Variants in TCERG1 observed in about 807,000 individuals in gnomAD.
TCERG1 encodes the protein TATA box binding protein (TBP)-associated factor, RNA polymerase II, S, 150kD.
A neutral mutation model predicts 144.7 loss-of-function variants in TCERG1; 37 were observed. The ratio of observed to expected loss-of-function variants is 0.26; its 90% confidence interval spans 0.20 to 0.34. The LOEUF is 0.34. TCERG1 is among the 10% of genes least tolerant of loss of function. The probability of loss-of-function intolerance (pLI) is 1.00; values close to 1 mark genes in which losing one functional copy is unlikely to be tolerated. For synonymous variants in TCERG1, 492 were observed against 458.2 expected (o/e 1.07, Z -0.94); for missense variants, 1,027 against 1,380.7 (o/e 0.74, Z 4.06).
intron 1 of TCERG1, among the ~76,000 whole-genome samples, chr5:146,450,118 A>T (rs949026895): frequency 2.0e-5 from 3 of 152,272 alleles, no homozygotes; most frequent in Non-Finnish European, 4.4e-5. Flanking sequence ...GCAACAGTAT[A>T]CTAAAGGGAA....
At chr5:146,478,425 T>G (rs914993054) in intron 9 of TCERG1, 68 bp from the exon 10 acceptor site, 2 of 1,449,492 alleles carry the variant, frequency 1.4e-6, no homozygotes, top group Admixed American at 5.1e-5. Flanking sequence ...TGTAACAGGC[T>G]GAAAGAAGTC....
chr5:146,473,385 A>G (rs373177363), intron 9 of TCERG1, among the ~76,000 whole-genome samples: 3 of 152,360 alleles, frequency 2.0e-5, no homozygotes, highest in East Asian at 3.9e-4. Context: ...GTAAGAAGCC[A>G]TCTCCATAAC....
chr5:146,459,784 AT>A (rs1763179584), intron 4 of TCERG1, among the ~76,000 whole-genome samples: 1 of 152,244 alleles, frequency 6.6e-6, no homozygotes, highest in African/African-American at 2.4e-5. Context: ...CTACATGGGT[AT>A]TTATCATGAA....
In TCERG1 at chr5:146,478,574, T is replaced by C. The variant is rs1381413542; in HGVS notation, c.1683T>C (p.Asp561=). The C allele has an allele frequency of 6.2e-7, 1 of 1,612,692 alleles. No homozygotes were observed. Among genetic ancestry groups the C allele is most frequent in the Admixed American group, 1.7e-5 (1 of 59,610 alleles). ...TRLSMWDRPD[D]LIGRADVDKI... ...TTTCTATGTGGGACCGACCTGATGA[T>C]CTGATTGGCAGGGCAGATGTTGACA... Residue 561 remains aspartate, a synonymous_variant, in exon 10 of 23, where the codon GAT becomes GAC. Transcript: ENST00000679501.
Position 146,498,653 on chromosome 5 carries a change from A to G in TCERG1, c.2400A>G (p.Lys800=). The G allele has an allele frequency of 6.2e-7, 1 of 1,612,124 alleles. No homozygotes were observed. ...AGTTTGTGGCCGCTGCTAGGAAGAA[A>G]GAGAAAGAAGATTCGAAGACCAGAG... ...FNEFVAAARK[K]EKEDSKTRGE... is the part of the protein sequence containing the mutation. The change falls in exon 17 of 23, where the codon AAA becomes AAG. Residue 800 remains lysine, a synonymous_variant. Transcript: ENST00000679501.
chr5:146,505,774 T>C (rs1767929100), intron 19 of TCERG1, among the ~76,000 whole-genome samples: 1 of 152,138 alleles, frequency 6.6e-6, no homozygotes, highest in South Asian at 2.1e-4. Context: ...ATCCTTTTTG[T>C]TTTTTTATTT....
chr5:146,488,529 G>A (rs953854152), intron 15 of TCERG1, among the ~76,000 whole-genome samples: 1 of 152,076 alleles, frequency 6.6e-6, no homozygotes, highest in South Asian at 2.1e-4. Context: ...GCAGTGAGGT[G>A]TCTCACTCAG....
At position 146,509,147 on chromosome 5, in the gene TCERG1, A is replaced by C; in HGVS notation, c.3048A>C (p.Lys1016Asn). 10 of 1,562,046 alleles carry C rather than the reference A, an allele frequency of 6.4e-6. No individual in the cohort carries two copies. The highest frequency in any genetic ancestry group is 8.6e-6 in the Non-Finnish European group (10 of 1,157,442). Residue 1016 changes from lysine to asparagine, a missense_variant and splice_region_variant, in exon 22 of 23, where the codon AAA (lysine) becomes AAC (asparagine). Lys to Asn is a moderately conservative substitution (Grantham distance 94). Coordinates refer to ENST00000679501, the MANE Select transcript of TCERG1 (RefSeq NM_001382548.1). ...RCIKFSSSDR[K>N]KQREFEEYIR... is the part of the protein sequence containing the mutation. ...AACTTTTTTTTTTTTATTAACAGAA[A>C]AAACAAAGAGAATTTGAAGAATATA...
Position 146,457,166 on chromosome 5 carries a change from T to A in TCERG1, c.286-17T>A. On this transcript the variant is annotated splice_polypyrimidine_tract_variant and intron_variant, in intron 2 of 22. Coordinates refer to ENST00000679501, the MANE Select transcript of TCERG1 (RefSeq NM_001382548.1). Reference sequence around the variant, plus strand: ...AAAGTAATTAAAGTGACCATTACTGTTTTTGTGAATTAACAGAGACCACCT... The same window carrying A: ...AAAGTAATTAAAGTGACCATTACTGATTTTGTGAATTAACAGAGACCACCT... 1 of 1,608,248 alleles carries A rather than the reference T, an allele frequency of 6.2e-7. No individual in the cohort carries two copies. Among genetic ancestry groups the A allele is most frequent in the Non-Finnish European group, 8.5e-7 (1 of 1,177,286 alleles).
At chr5:146,509,312 A>G (rs1313582058) in intron 22 of TCERG1, 67 bp downstream of exon 22, 4 of 1,095,022 alleles carry the variant, frequency 3.7e-6, no homozygotes, top group Non-Finnish European at 5.4e-6. Flanking sequence ...TAATGGTCAG[A>G]GCATTCTTTG....
intron 9 of TCERG1, among the ~76,000 whole-genome samples, chr5:146,472,903 T>C (rs528341491): frequency 2.0e-5 from 3 of 152,194 alleles, no homozygotes; most frequent in East Asian, 1.9e-4. Flanking sequence ...TTAGTAGAGA[T>C]GGGGTTTCAC....
rs534480858 is a variant in TCERG1 at position 146,492,809 on chromosome 5, G to C, written c.2164-111G>C. 4.1e-6 allele frequency: 3 copies of C among 724,918 alleles called. No homozygotes were observed. In the African/African-American group the frequency reaches 5.5e-5, roughly 13 times the overall value. 44.9% of individuals were successfully genotyped at this position (724,918 alleles called of 1,614,324 possible). ...GATTATCTGTGTATAATTATCTACA[G>C]TTAATATATTTTTCCTGGTATAGTT... On this transcript the variant is annotated intron_variant, in intron 15 of 22. Coordinates refer to ENST00000679501, the MANE Select transcript of TCERG1 (RefSeq NM_001382548.1).
At chr5:146,505,111 A>G (rs1039059644) in intron 19 of TCERG1, among the ~76,000 whole-genome samples, 3 of 151,976 alleles carry the variant, frequency 2.0e-5, no homozygotes, top group African/African-American at 7.2e-5. Context: ...AAAAAGGACA[A>G]AAACATCTCA....
At chr5:146,450,357 AG>A (rs1762247044) in intron 1 of TCERG1, among the ~76,000 whole-genome samples, 1 of 152,240 alleles carries the variant, frequency 6.6e-6, no homozygotes, top group African/African-American at 2.4e-5. Flanking sequence ...ACAGGTGCAG[AG>A]GCTTCAAAGT....
chr5:146,474,436 G>A (rs1427270412), intron 9 of TCERG1, among the ~76,000 whole-genome samples: 1 of 152,212 alleles, frequency 6.6e-6, no homozygotes, highest in African/African-American at 2.4e-5. Context: ...AAGATGCCAT[G>A]AACATTGTTG....
Position 146,507,928 on chromosome 5 carries a change from G to A in TCERG1, c.3017G>A (p.Arg1006Gln). The change falls in exon 21 of 23, where the codon CGA (arginine) becomes CAA (glutamine). Residue 1006 changes from arginine to glutamine, a missense_variant. Arg to Gln is a conservative substitution (Grantham distance 43). Transcript: ENST00000679501. The surrounding 1 kb of genome is among the most constrained non-coding windows in gnomAD (Gnocchi z 4.6). ...EVKKIIKEDPRCIKFSSSDRK... is the reference protein window; with the variant it reads ...EVKKIIKEDPQCIKFSSSDRK... ...AAAAAAATCATTAAGGAAGATCCTC[G>A]ATGTATTAAGTTCTCCTCCAGTGAC... The A allele has an allele frequency of 6.2e-7, 1 of 1,610,888 alleles. No individual in the cohort carries two copies. The highest frequency in any genetic ancestry group is 1.1e-5 in the South Asian group (1 of 90,258).
At chr5:146,501,936 C>T (rs1767502469) in intron 17 of TCERG1, among the ~76,000 whole-genome samples, 1 of 131,596 alleles carries the variant, frequency 7.6e-6, no homozygotes, top group South Asian at 2.4e-4. Context: ...TGCTTGTTGC[C>T]CAGGCTGGAG....
chr5:146,479,845 T>C lies in TCERG1; in HGVS notation c.1763-10T>C. ...TGACTTTGTAACAATATTTGAAATG[T>C]TTTTGCCAGGGCACCCAACTCCGAC... On this transcript the variant is annotated splice_polypyrimidine_tract_variant and intron_variant, in intron 10 of 22. Transcript: ENST00000679501. 1 of 1,613,188 alleles carries C rather than the reference T, an allele frequency of 6.2e-7. No individual in the cohort carries two copies. The highest frequency in any genetic ancestry group is 8.5e-7 in the Non-Finnish European group (1 of 1,179,434).
chr5:146,494,459 G>C (rs1380046040), intron 16 of TCERG1, among the ~76,000 whole-genome samples: 4 of 152,088 alleles, frequency 2.6e-5, no homozygotes, highest in Non-Finnish European at 5.9e-5. Flanking sequence ...CCATATCGTA[G>C]TACTCTACTG....
Sources: gnomAD v4.1 joint callset for allele counts (sites outside exome capture counted in the v4.1 genomes callset) on GRCh38, gnomAD v4.1.1 for gene constraint, Gnocchi (gnomAD v3.1) non-coding constraint, MANE v1.5 for transcripts, NCBI Gene and HGNC (gene_info 2026-07-23, HGNC 2026-07-21) for gene names.